The following EXT1 variants were observed in gnomAD, a reference collection of about 807,000 sequenced individuals.
EXT1 encodes the protein exostosin glycosyltransferase 1.
In EXT1, 20 loss-of-function variants were observed where a neutral mutation model predicts 82.5. The observed-to-expected ratio is 0.24, with a 90% CI of 0.17 to 0.35. The LOEUF (loss-of-function observed/expected upper bound fraction) is 0.35. Ranked by LOEUF, EXT1 falls within the 10% of genes least tolerant of loss-of-function variation. The pLI, the probability that EXT1 is intolerant of heterozygous loss-of-function variation, is 1.00. For synonymous variants in EXT1, 348 were observed against 350.8 expected, an observed-to-expected ratio of 0.99 and a Z score of 0.09; for missense variants, 757 against 936.5, an observed-to-expected ratio of 0.81 and a Z score of 2.50.
At chr8:117,906,387 A>G (rs1167034241) in intron 1 of EXT1, among the ~76,000 whole-genome samples, 1 of 152,188 alleles carries the variant, frequency 6.6e-6, no homozygotes, top group African/African-American at 2.4e-5. Context: ...GATGCCTGTG[A>G]CAGACTAAAG....
chr8:117,815,180 G>T (rs1811783088), intron 7 of EXT1, among the ~76,000 whole-genome samples: 1 of 152,206 alleles, frequency 6.6e-6, no homozygotes, highest in African/African-American at 2.4e-5. Flanking sequence ...ACCATTAGCT[G>T]CCAGCTTAGC....
At chr8:117,830,428 T>A in intron 3 of EXT1, 79 bp from the exon 4 acceptor site, 2 of 1,529,212 alleles carry the variant, frequency 1.3e-6, no homozygotes. Flanking sequence ...CCAACTGGGT[T>A]AGGCTTTTAT....
intron 1 of EXT1, among the ~76,000 whole-genome samples, chr8:117,894,459 C>T (rs1813301096): frequency 6.6e-6 from 1 of 152,186 alleles, no homozygotes; most frequent in African/African-American, 2.4e-5. Flanking sequence ...CCCACCTCTA[C>T]TTCACAACGC....
chr8:118,067,687 TAACTC>T (rs1817016937), intron 1 of EXT1, among the ~76,000 whole-genome samples: 1 of 152,244 alleles, frequency 6.6e-6, no homozygotes, highest in African/African-American at 2.4e-5. Flanking sequence ...CCAGCAATCT[TAACTC>T]AGCAAGGATA....
intron 1 of EXT1, among the ~76,000 whole-genome samples, chr8:118,005,651 C>CA (rs1160431377): frequency 6.6e-6 from 1 of 152,220 alleles, no homozygotes; most frequent in Non-Finnish European, 1.5e-5. Flanking sequence ...TTAAAACTGG[C>CA]AGACTGGCTA....
At chr8:118,047,026 C>A (rs1019639729) in intron 1 of EXT1, among the ~76,000 whole-genome samples, 1 of 152,134 alleles carries the variant, frequency 6.6e-6, no homozygotes, top group Admixed American at 6.5e-5. Flanking sequence ...CCACATAGAG[C>A]GACCAGATTT....
chr8:117,925,040 A>G (rs191675448), intron 1 of EXT1, among the ~76,000 whole-genome samples: 1 of 152,314 alleles, frequency 6.6e-6, no homozygotes, highest in East Asian at 1.9e-4. Flanking sequence ...GGAGAAAAAA[A>G]ATTCCAAAAC....
chr8:117,802,252 C>A (rs192515980), intron 10 of EXT1, among the ~76,000 whole-genome samples: 7 of 152,184 alleles, frequency 4.6e-5, no homozygotes. Context: ...AAATCCACCC[C>A]CTAAGAGGCC....
chr8:117,904,446 A>G (rs1235083949), intron 1 of EXT1, among the ~76,000 whole-genome samples: 3 of 152,224 alleles, frequency 2.0e-5, no homozygotes, highest in Admixed American at 6.5e-5. Flanking sequence ...TAGGTAAGTC[A>G]CTTTAAGGCA....
At chr8:118,082,321 A>G (rs1817347248) in intron 1 of EXT1, among the ~76,000 whole-genome samples, 1 of 152,242 alleles carries the variant, frequency 6.6e-6, no homozygotes, top group African/African-American at 2.4e-5. Flanking sequence ...AAAAAGAACA[A>G]TTCTCATGTA....
intron 1 of EXT1, among the ~76,000 whole-genome samples, chr8:117,860,146 C>CAAAAAAAAAAAAAAAAAAAAAAAAAAAA: frequency 1.3e-5 from 1 of 76,896 alleles, no homozygotes; most frequent in Non-Finnish European, 2.3e-5. Context: ...GATTCTATCT[C>CAAAAAAAAAAAAAAAAAAAAAAAAAAAA]AAAAAAAAAA....
intron 1 of EXT1, among the ~76,000 whole-genome samples, chr8:117,879,641 T>C (rs1471108862): frequency 1.3e-5 from 2 of 152,166 alleles, no homozygotes; most frequent in Non-Finnish European, 2.9e-5. Context: ...CCTTAGCAAT[T>C]GCAATGGGCA....
At chr8:117,982,678 T>C (rs1815234512) in intron 1 of EXT1, among the ~76,000 whole-genome samples, 1 of 151,998 alleles carries the variant, frequency 6.6e-6, no homozygotes, top group Non-Finnish European at 1.5e-5. Context: ...ATATTTTTGG[T>C]GGAGACGGGG....
intron 1 of EXT1, among the ~76,000 whole-genome samples, chr8:118,052,045 G>C (rs890817514): frequency 6.6e-6 from 1 of 152,192 alleles, no homozygotes; most frequent in South Asian, 2.1e-4. Flanking sequence ...TAGAAGCTGG[G>C]AGTCTTTGCC....
chr8:118,001,481 G>A (rs1002509176), intron 1 of EXT1, among the ~76,000 whole-genome samples: 3 of 151,832 alleles, frequency 2.0e-5, no homozygotes, highest in Non-Finnish European at 2.9e-5. Flanking sequence ...CACCGCGCCC[G>A]GCCTCCATCC....
rs1266525622 is a variant in EXT1, at chr8:117,795,865, CAAGT to C, written c.*3843_*3846del. On this transcript the variant is annotated 3_prime_UTR_variant, in exon 11 of 11. Coordinates refer to ENST00000378204, the MANE Select transcript of EXT1 (RefSeq NM_000127.3). ...TCTCTTTATGCTGAAGTTCTTATACCAAGTGAGACAAGTTTAGCACAGTTTGATA... is the reference window on the plus strand; with the variant it reads ...TCTCTTTATGCTGAAGTTCTTATACCGAGACAAGTTTAGCACAGTTTGATA... 1 of 151,996 alleles carries C rather than the reference CAAGT, an allele frequency of 6.6e-6. No individual in the cohort carries two copies. Among genetic ancestry groups the C allele is most frequent in the Non-Finnish European group, 1.5e-5 (1 of 68,012 alleles). 9.4% of individuals were successfully genotyped at this position (151,996 alleles called of 1,614,324 possible).
intron 1 of EXT1, among the ~76,000 whole-genome samples, chr8:118,053,529 G>A (rs961299857): frequency 4.6e-5 from 7 of 152,168 alleles, no homozygotes; most frequent in Admixed American, 1.3e-4. Flanking sequence ...ATTTTTTAAC[G>A]GGTCTTTTCA....
chr8:117,931,930 T>C (rs570577276), intron 1 of EXT1, among the ~76,000 whole-genome samples: 245 of 152,328 alleles, frequency 1.6e-3, no homozygotes, highest in Middle Eastern at 6.8e-3. Context: ...GCTTAAGTAA[T>C]TATGGACCAT....
At chr8:117,828,506 TA>T (rs1227529302) in intron 4 of EXT1, among the ~76,000 whole-genome samples, 148 of 135,906 alleles carry the variant, frequency 1.1e-3, no homozygotes, top group Non-Finnish European at 8.8e-4. Flanking sequence ...AGATCCTGTC[TA>T]AAAAAAAAAA....
Sources: allele counts gnomAD v4.1 joint callset (sites outside exome capture counted in the v4.1 genomes callset), GRCh38; gene constraint gnomAD v4.1.1; transcripts MANE v1.5; gene names NCBI Gene and HGNC (gene_info 2026-07-23, HGNC 2026-07-21).